The following RBFOX1 variants were observed in gnomAD, a reference collection of about 807,000 sequenced individuals.
RBFOX1 encodes the protein RNA binding fox-1 homolog 1.
RBFOX1 carries 8 observed loss-of-function variants against 57.7 expected under a neutral mutation model. The observed-to-expected ratio is 0.14, with a 90% CI of 0.08 to 0.25. The LOEUF (loss-of-function observed/expected upper bound fraction) is 0.25. Ranked by LOEUF, RBFOX1 falls within the 10% of genes least tolerant of loss-of-function variation. The probability of loss-of-function intolerance (pLI) is 1.00; values close to 1 mark genes in which losing one functional copy is unlikely to be tolerated. For synonymous variants in RBFOX1, 326 were observed against 222.4 expected, an observed-to-expected ratio of 1.47 and a Z score of -4.15; for missense variants, 611 against 548.5, an observed-to-expected ratio of 1.11 and a Z score of -1.14.
chr16:7,429,945 G>A (rs913053973), intron 4 of RBFOX1, among the ~76,000 whole-genome samples: 2 of 152,170 alleles, frequency 1.3e-5, no homozygotes, highest in Admixed American at 6.5e-5. Flanking sequence ...ACTTGTGACA[G>A]TGTTGCATTG....
At chr16:5,666,626 A>T (rs576819917) in intron 3 of RBFOX1, among the ~76,000 whole-genome samples, 16 of 152,376 alleles carry the variant, frequency 1.1e-4, no homozygotes, top group Admixed American at 7.2e-4. Flanking sequence ...AGAAGGAGAC[A>T]GCTAATAGGA....
At chr16:7,226,230 C>T (rs1380835309) in intron 4 of RBFOX1, among the ~76,000 whole-genome samples, 1 of 152,164 alleles carries the variant, frequency 6.6e-6, no homozygotes, top group African/African-American at 2.4e-5. Flanking sequence ...AAGTCAGAAG[C>T]ATGGATATTC....
chr16:6,556,436 T>C (rs777885945), intron 2 of RBFOX1, among the ~76,000 whole-genome samples: 7 of 152,196 alleles, frequency 4.6e-5, no homozygotes, highest in Non-Finnish European at 8.8e-5. Context: ...CTGTCCTCGG[T>C]CATCTCAAAT....
intron 3 of RBFOX1, among the ~76,000 whole-genome samples, chr16:5,776,229 G>C (rs1476846443): frequency 2.0e-5 from 3 of 152,250 alleles, no homozygotes; most frequent in Non-Finnish European, 2.9e-5. Context: ...TTTCCGAGGA[G>C]TATTTGCACA....
At chr16:6,910,476 T>A (rs1424639936) in intron 3 of RBFOX1, among the ~76,000 whole-genome samples, 1 of 152,184 alleles carries the variant, frequency 6.6e-6, no homozygotes, top group Non-Finnish European at 1.5e-5. Flanking sequence ...CCTGAGTGGG[T>A]GATTCCCCAC....
chr16:6,364,204 C>T (rs973105314), intron 2 of RBFOX1, among the ~76,000 whole-genome samples: 5 of 152,260 alleles, frequency 3.3e-5, no homozygotes, highest in South Asian at 2.1e-4. Context: ...TTGCATGCTT[C>T]GAAGATGCTG....
At chr16:5,805,161 G>C (rs2055185994) in intron 3 of RBFOX1, among the ~76,000 whole-genome samples, 1 of 152,228 alleles carries the variant, frequency 6.6e-6, no homozygotes, top group South Asian at 2.1e-4. Flanking sequence ...CTGGGTTATG[G>C]ATGGCACTAT....
chr16:6,228,428 GACAC>G (rs3064940), intron 1 of RBFOX1, among the ~76,000 whole-genome samples: 3 of 151,166 alleles, frequency 2.0e-5, no homozygotes, highest in Non-Finnish European at 3.0e-5. Context: ...CACACACACA[GACAC>G]ACACACACAC....
At chr16:6,165,923 G>A (rs1246388410) in intron 1 of RBFOX1, among the ~76,000 whole-genome samples, 2 of 152,122 alleles carry the variant, frequency 1.3e-5, no homozygotes, top group Non-Finnish European at 2.9e-5. Flanking sequence ...CTTAGGTACT[G>A]GAATTGCCGG....
intron 3 of RBFOX1, among the ~76,000 whole-genome samples, chr16:5,701,571 AG>A (rs1325167722): frequency 6.6e-6 from 1 of 152,062 alleles, no homozygotes; most frequent in African/African-American, 2.4e-5. Context: ...CTGGGACTCC[AG>A]GCACACTGTA....
chr16:7,685,031 A>G (rs2058186), intron 14 of RBFOX1, among the ~76,000 whole-genome samples: 3 of 151,974 alleles, frequency 2.0e-5, no homozygotes, highest in African/African-American at 7.2e-5. Flanking sequence ...TGTAAAGTGT[A>G]GTTTCCAGAC....
intron 2 of RBFOX1, among the ~76,000 whole-genome samples, chr16:6,394,231 A>T (rs757699673): frequency 1.3e-5 from 2 of 152,206 alleles, no homozygotes; most frequent in East Asian, 1.9e-4. Context: ...GCTTAATTTC[A>T]TAGTGTTTGT....
intron 4 of RBFOX1, among the ~76,000 whole-genome samples, chr16:7,467,582 G>T (rs2060759220): frequency 6.6e-6 from 1 of 152,180 alleles, no homozygotes. Flanking sequence ...TCATTTAGTA[G>T]CTGTGGGACT....
intron 3 of RBFOX1, among the ~76,000 whole-genome samples, chr16:6,810,147 G>A (rs996699328): frequency 6.6e-6 from 1 of 151,920 alleles, no homozygotes; most frequent in African/African-American, 2.4e-5. Context: ...CTTATGGACA[G>A]GGATAGGGAT....
chr16:5,283,521 G>T (rs1454265133), intron 1 of RBFOX1, among the ~76,000 whole-genome samples: 1 of 152,120 alleles, frequency 6.6e-6, no homozygotes, highest in Non-Finnish European at 1.5e-5. Context: ...CACAGGAGTG[G>T]AGCTGTGGCC....
chr16:5,681,013 A>G (rs2050315335), intron 3 of RBFOX1, among the ~76,000 whole-genome samples: 1 of 152,004 alleles, frequency 6.6e-6, no homozygotes, highest in Non-Finnish European at 1.5e-5. Context: ...AGGTAAAATG[A>G]TGAGTTTCTA....
chr16:6,916,590 T>G (rs1597141960), intron 3 of RBFOX1, among the ~76,000 whole-genome samples: 1 of 152,090 alleles, frequency 6.6e-6, no homozygotes, highest in Non-Finnish European at 1.5e-5. Flanking sequence ...CCTACACACT[T>G]GTAAGGCCTT....
intron 4 of RBFOX1, among the ~76,000 whole-genome samples, chr16:7,069,713 A>G (rs1216679616): frequency 2.0e-5 from 3 of 152,166 alleles, no homozygotes; most frequent in Non-Finnish European, 4.4e-5. Context: ...TAAGTGGGGC[A>G]GCATCGAGGT....
intron 3 of RBFOX1, among the ~76,000 whole-genome samples, chr16:6,757,634 C>T (rs2076010541): frequency 1.3e-5 from 2 of 152,006 alleles, no homozygotes; most frequent in Non-Finnish European, 1.5e-5. Flanking sequence ...TGGTGGTTAC[C>T]AGAGGCTGGG....
Sources: gnomAD v4.1 joint callset for allele counts (sites outside exome capture counted in the v4.1 genomes callset) on GRCh38, gnomAD v4.1.1 for gene constraint, MANE v1.5 for transcripts, NCBI Gene and HGNC (gene_info 2026-07-23, HGNC 2026-07-21) for gene names.